RRM1: variants seen among roughly 807,000 people sequenced by gnomAD.
RRM1 encodes the protein ribonucleoside-diphosphate reductase large subunit.
RRM1 carries 19 observed loss-of-function variants against 101.5 expected under a neutral mutation model. The ratio of observed to expected loss-of-function variants is 0.19; its 90% CI spans 0.13 to 0.27. The LOEUF (loss-of-function observed/expected upper bound fraction) is 0.27. RRM1 is among the 10% of genes least tolerant of loss of function. The pLI, the probability that RRM1 is intolerant of heterozygous loss-of-function variation, is 1.00. For synonymous variants in RRM1, 298 were observed against 323.4 expected, an observed-to-expected ratio of 0.92 and a Z score of 0.84; for missense variants, 500 against 962.9, an observed-to-expected ratio of 0.52 and a Z score of 6.36.
intron 18 of RRM1, chr11:4,137,366 C>T (rs1219614924): frequency 2.3e-5 from 4 of 170,930 alleles, no homozygotes; most frequent in South Asian, 1.2e-4. Flanking sequence ...GCGCCCCTCA[C>T]CTCCCAGACG....
At chr11:4,107,575 CT>C in intron 4 of RRM1, 40 bp downstream of exon 4, 3 of 1,295,356 alleles carry the variant, frequency 2.3e-6, no homozygotes, top group Middle Eastern at 1.9e-4. Flanking sequence ...TTTTGAGAGT[CT>C]TTTTTAATAA....
intron 7 of RRM1, among the ~76,000 whole-genome samples, chr11:4,114,184 A>G (rs1262676246): frequency 6.6e-6 from 1 of 152,020 alleles, no homozygotes; most frequent in Non-Finnish European, 1.5e-5. Flanking sequence ...ATACATCTGT[A>G]TAGGACAGTT....
intron 5 of RRM1, 105 bp downstream of exon 5, chr11:4,109,808 G>A: frequency 1.2e-6 from 1 of 858,256 alleles, no homozygotes; most frequent in Non-Finnish European, 1.8e-6. Context: ...GTTGTTTGGA[G>A]TTGAGATGGA....
intron 1 of RRM1, among the ~76,000 whole-genome samples, chr11:4,101,153 A>G (rs1054713699): frequency 6.6e-6 from 1 of 152,160 alleles, no homozygotes; most frequent in Non-Finnish European, 1.5e-5. Context: ...TGGAATCATC[A>G]GGGAAAGCCA....
At chr11:4,134,912 T>C (rs774746192) in intron 17 of RRM1, among the ~76,000 whole-genome samples, 170 bp from the exon 18 acceptor site, 5 of 152,244 alleles carry the variant, frequency 3.3e-5, no homozygotes, top group Non-Finnish European at 5.9e-5. Context: ...TTGTTCAACT[T>C]TCTAAATAGT....
chr11:4,121,908 C>A, intron 10 of RRM1, 143 bp downstream of exon 10: 2 of 791,332 alleles, frequency 2.5e-6, no homozygotes, highest in Non-Finnish European at 4.0e-6. Context: ...AGATGCCGTG[C>A]TTGTCTTCTT....
chr11:4,127,796 T>C, intron 14 of RRM1, among the ~76,000 whole-genome samples: 1 of 152,334 alleles, frequency 6.6e-6, no homozygotes, highest in East Asian at 1.9e-4. Flanking sequence ...AACTAGTCAT[T>C]GCTAAAATAA....
At chr11:4,102,805 C>A (rs952992648) in intron 2 of RRM1, among the ~76,000 whole-genome samples, 1 of 152,150 alleles carries the variant, frequency 6.6e-6, no homozygotes, top group Non-Finnish European at 1.5e-5. Context: ...AAGTCAAGAA[C>A]AAACTATTCA....
chr11:4,136,754 G>T (rs2044134), intron 18 of RRM1, among the ~76,000 whole-genome samples: 23 of 109,004 alleles, frequency 2.1e-4, no homozygotes, highest in African/African-American at 7.1e-4. Context: ...TTGTTTGTTT[G>T]TTTTTTCTTT....
At chr11:4,102,535 G>A (rs1026567446) in intron 2 of RRM1, among the ~76,000 whole-genome samples, 11 of 151,822 alleles carry the variant, frequency 7.2e-5, no homozygotes, top group African/African-American at 2.7e-4. Context: ...GTGGGCGCCT[G>A]TAATCCCAGC....
chr11:4,119,768 T>C, intron 8 of RRM1, 77 bp from the exon 9 acceptor site: 1 of 842,622 alleles, frequency 1.2e-6, no homozygotes, highest in Admixed American at 2.1e-5. Context: ...GCATCTTTTT[T>C]GATAAAAGAA....
intron 12 of RRM1, among the ~76,000 whole-genome samples, chr11:4,124,274 T>G (rs971872807): frequency 1.3e-5 from 2 of 152,118 alleles, no homozygotes; most frequent in Non-Finnish European, 2.9e-5. Flanking sequence ...GGATTAGAGG[T>G]TAGCCTAGGG....
chr11:4,110,692 T>G (rs886477016), intron 5 of RRM1, among the ~76,000 whole-genome samples: 70 of 146,876 alleles, frequency 4.8e-4, no homozygotes, highest in African/African-American at 1.7e-3. Flanking sequence ...CTGCTTATAC[T>G]CAGGAGACGG....
chr11:4,111,711 G>T, intron 6 of RRM1, 71 bp downstream of exon 6: 3 of 1,354,336 alleles, frequency 2.2e-6, no homozygotes, highest in Non-Finnish European at 2.1e-6. Context: ...TGAGCTATAA[G>T]TCTTAATATT....
At position 4,107,509 on chromosome 11, in the gene RRM1, T is replaced by G; in HGVS notation, c.361T>G (p.Leu121Val). Residue 121 changes from leucine (L) to valine (V), a missense_variant, in exon 4 of 19, where the codon TTG (leucine) becomes GTG (valine). Leu to Val is a conservative substitution (Grantham distance 32). Coordinates refer to ENST00000300738, the MANE Select transcript of RRM1 (RefSeq NM_001033.5). ...CTCTCCCATGGTGGCCAAGTCAACA[T>G]TGGATATTGTTCTGGCCAATAAAGA... ...KHSPMVAKST[L>V]DIVLANKDRL... 1 of 1,613,072 alleles carries G rather than the reference T, an allele frequency of 6.2e-7. No homozygotes were observed. The highest frequency in any genetic ancestry group is 1.1e-5 in the South Asian group (1 of 91,062).
At chr11:4,111,550 C>G in intron 5 of RRM1, 51 bp from the exon 6 acceptor site, 1 of 1,365,214 alleles carries the variant, frequency 7.3e-7, no homozygotes, top group Non-Finnish European at 1.0e-6. Flanking sequence ...ATATCCACTG[C>G]GTCTTTAAAA....
At position 4,137,596 on chromosome 11, in the gene RRM1, G is replaced by A. The variant is rs1265981134; in HGVS notation, c.2191-599G>A. Among the ~76,000 whole-genome samples the A allele has an allele frequency of 1.1e-3, 24 of 21,042 alleles. 9 individuals are homozygous for A. The highest frequency in any genetic ancestry group is 2.7e-3 in the African/African-American group (22 of 8,292). The allele number at this position is 21,042 out of a possible 152,430, so 13.8% of individuals were successfully genotyped here. A position where few individuals can be genotyped will look rare whatever the true frequency, so the allele number is the denominator to read the frequency against. On this transcript the variant is annotated intron_variant, in intron 18 of 18. Transcript: ENST00000300738. The stretch of plus-strand genomic sequence containing the variant: ...CGGGCAGAGGGGCCCCTCACCTCCC[G>A]GACGGGGCGGCTGGCCGGGCTGGGG...
At chr11:4,110,295 GGCACACACCACCAT>G (rs1359313486) in intron 5 of RRM1, among the ~76,000 whole-genome samples, 1 of 152,042 alleles carries the variant, frequency 6.6e-6, no homozygotes, top group Non-Finnish European at 1.5e-5. Flanking sequence ...TGGGACTACA[GGCACACACCACCAT>G]GCCCAGCTAA....
At chr11:4,113,613 G>T (rs1354192631) in intron 7 of RRM1, among the ~76,000 whole-genome samples, 2 of 152,206 alleles carry the variant, frequency 1.3e-5, no homozygotes. Context: ...TCTGAGAAAT[G>T]TGTTGTAAGG....
Sources: allele counts gnomAD v4.1 joint callset (sites outside exome capture counted in the v4.1 genomes callset), GRCh38; gene constraint gnomAD v4.1.1; transcripts MANE v1.5; gene names NCBI Gene and HGNC (gene_info 2026-07-23, HGNC 2026-07-21).